Variants in INPP5A observed in about 807,000 individuals in gnomAD.
INPP5A encodes the protein 43 kDa inositol polyphosphate 5-phophatase.
A neutral mutation model predicts 65.2 loss-of-function variants in INPP5A; 14 were observed. The observed-to-expected ratio is 0.21, with a 90% CI of 0.14 to 0.34. The LOEUF (loss-of-function observed/expected upper bound fraction) is 0.34, where lower values mean the gene tolerates loss of function less well. Ranked by LOEUF, INPP5A falls within the 10% of genes least tolerant of loss-of-function variation. The pLI is 1.00. For synonymous variants in INPP5A, 207 were observed against 208.3 expected (o/e 0.99, Z 0.05); for missense variants, 431 against 545.6 (o/e 0.79, Z 2.09).
rs537737377 is a variant in INPP5A at position 132,694,921 on chromosome 10, G to A, written c.371-2895G>A. On this transcript the variant is annotated intron_variant, in intron 5 of 15. Transcript: ENST00000368594. ...TAACCTGCTGAAAAAGAAAGCATCAGACCAAATGGTTTCACTGGTGAATTC... is the reference window on the plus strand; with the variant it reads ...TAACCTGCTGAAAAAGAAAGCATCAAACCAAATGGTTTCACTGGTGAATTC... Among the ~76,000 whole-genome samples, 164 of 152,274 alleles carry A rather than the reference G, an allele frequency of 1.1e-3. 2 individuals carry two copies. Among genetic ancestry groups the A allele is most frequent in the African/African-American group, 3.8e-3 (160 of 41,562 alleles).
In INPP5A at chr10:132,697,709, C is replaced by A; in HGVS notation, c.371-107C>A. 1.3e-6 allele frequency: 1 copy of A among 776,028 alleles called. No individual in the cohort carries two copies. The allele number at this position is 776,028 out of a possible 1,614,324, so 48.1% of individuals were successfully genotyped here. A position where few individuals can be genotyped will look rare whatever the true frequency, so the allele number is the denominator to read the frequency against. On this transcript the variant is annotated intron_variant, in intron 5 of 15. Coordinates refer to ENST00000368594, the MANE Select transcript of INPP5A (RefSeq NM_005539.5). The surrounding 1 kb of genome is among the most constrained non-coding windows in gnomAD (Gnocchi z 5.6). ...ATCAGGGCCTCCTCTCGGGGGGCCT[C>A]TCTGGCTCCCATCGGGCTGAAGTCG...
At chr10:132,711,329 T>C (rs1845633812) in intron 8 of INPP5A, among the ~76,000 whole-genome samples, 1 of 152,198 alleles carries the variant, frequency 6.6e-6, no homozygotes, top group African/African-American at 2.4e-5. Context: ...CATCTACAGC[T>C]GGGCCTTTTG....
Position 132,675,644 on chromosome 10 carries a change from C to A in INPP5A, c.307-14748C>A, listed in dbSNP as rs561842673. On this transcript the variant is annotated intron_variant, in intron 4 of 15. Coordinates refer to ENST00000368594, the MANE Select transcript of INPP5A (RefSeq NM_005539.5). The surrounding 1 kb of genome is among the most constrained non-coding windows in gnomAD (Gnocchi z 4.2). ...ATATTCCCACGCGGAGAACTGGGAC[C>A]CCGATCAGGGTCTGGAGGGAGCGTG... Among the ~76,000 whole-genome samples the A allele has an allele frequency of 2.6e-5, 4 of 152,312 alleles. No individual in the cohort carries two copies. In the South Asian group the frequency reaches 8.3e-4, roughly 32 times the overall value.
rs564402116 is a variant in INPP5A at position 132,772,916 on chromosome 10, T to G, written c.978-4755T>G. ...GCCCCACGAAGAGTGGGACGGACAC[T>G]CAGCACTGACACGGAGGCCACGGCA... On this transcript the variant is annotated intron_variant, in intron 12 of 15. Transcript: ENST00000368594. 2.0e-5 allele frequency among the ~76,000 whole-genome samples: 3 copies of G among 150,964 alleles called. No individual in the cohort carries two copies. In the South Asian group the frequency reaches 6.3e-4, roughly 31 times the overall value.
At position 132,650,952 on chromosome 10, in the gene INPP5A, C is replaced by T. The variant is rs1439405793; in HGVS notation, c.306+447C>T. 6.6e-6 allele frequency among the ~76,000 whole-genome samples: 1 copy of T among 152,172 alleles called. No homozygotes were observed. The highest frequency in any genetic ancestry group is 2.4e-5 in the African/African-American group (1 of 41,442). Reference sequence around the variant, plus strand: ...GTGCAGGGCTGGGGCGGTGTCCTGCCTCGGAGAGAGGCTGTTCCTCAGGGT... The same window carrying T: ...GTGCAGGGCTGGGGCGGTGTCCTGCTTCGGAGAGAGGCTGTTCCTCAGGGT... On this transcript the variant is annotated intron_variant, in intron 4 of 15. Transcript: ENST00000368594. The surrounding 1 kb of genome is among the most constrained non-coding windows in gnomAD (Gnocchi z 5.5).
At chr10:132,721,846 G>A (rs772499082) in intron 8 of INPP5A, among the ~76,000 whole-genome samples, 1 of 152,148 alleles carries the variant, frequency 6.6e-6, no homozygotes, top group Non-Finnish European at 1.5e-5. Flanking sequence ...TGTCTTGCCT[G>A]CGTCTGTGGT....
chr10:132,760,314 G>A (rs946080879), intron 11 of INPP5A, among the ~76,000 whole-genome samples: 4 of 152,226 alleles, frequency 2.6e-5, no homozygotes, highest in Non-Finnish European at 4.4e-5. Context: ...GGGTGCTGGT[G>A]GTTGCTGGAG....
chr10:132,658,599 C>T lies in INPP5A; in HGVS notation c.306+8094C>T, dbSNP rs143480605. 5.1e-3 allele frequency among the ~76,000 whole-genome samples: 773 copies of T among 152,258 alleles called. 6 individuals carry two copies. The highest frequency in any genetic ancestry group is 0.018 in the African/African-American group (735 of 41,532). The stretch of plus-strand genomic sequence containing the variant: ...GGCCGGGCCTTGGATGCAGCCTTGA[C>T]GCGTGTCGATCTGTTTACACACAGG... On this transcript the variant is annotated intron_variant, in intron 4 of 15. Transcript: ENST00000368594.
intron 8 of INPP5A, among the ~76,000 whole-genome samples, chr10:132,712,703 G>C (rs2134538361): frequency 6.7e-6 from 1 of 149,494 alleles, no homozygotes; most frequent in South Asian, 2.2e-4. Context: ...TGCATGTGTG[G>C]GTGCATGTGA....
At chr10:132,638,200 C>A (rs757369765) in intron 2 of INPP5A, among the ~76,000 whole-genome samples, 41 of 152,168 alleles carry the variant, frequency 2.7e-4, no homozygotes, top group Non-Finnish European at 4.3e-4. Flanking sequence ...ATATTTTTCT[C>A]TTCTTCGTTG....
At chr10:132,751,300 G>T (rs941661195) in intron 11 of INPP5A, among the ~76,000 whole-genome samples, 2 of 152,216 alleles carry the variant, frequency 1.3e-5, no homozygotes, top group Non-Finnish European at 2.9e-5. Flanking sequence ...CTGGGGTCGG[G>T]TCAGGCCTTG....
intron 2 of INPP5A, among the ~76,000 whole-genome samples, chr10:132,642,136 T>TCGTCTGCGGTCTGGGGACAGCCTGGAGCC (rs1194219882): frequency 7.2e-5 from 11 of 151,962 alleles, no homozygotes; most frequent in Admixed American, 2.0e-4. Flanking sequence ...AGCCTGGAGC[T>TCGTCTGCGGTCTGGGGACAGCCTGGAGCC]CGTCTGCGGT....
In INPP5A at chr10:132,762,397, G is replaced by A. The variant is rs757320252; in HGVS notation, c.904-3376G>A. ...ATTACATAAGAATGCAAGTGGCGGC[G>A]GGTTTCCAGAACAACCACAAAAATA... On this transcript the variant is annotated intron_variant, in intron 11 of 15. Transcript: ENST00000368594. This position sits in a 1 kb window ranked among gnomAD's most constrained non-coding sequence, Gnocchi z 4.6. Among the ~76,000 whole-genome samples, 27 of 152,194 alleles carry A rather than the reference G, an allele frequency of 1.8e-4. No individual in the cohort carries two copies. The highest frequency in any genetic ancestry group is 4.1e-4 in the South Asian group (2 of 4,824).
chr10:132,604,777 A>T (rs1164795443), intron 1 of INPP5A, among the ~76,000 whole-genome samples: 2 of 152,168 alleles, frequency 1.3e-5, no homozygotes, highest in African/African-American at 4.8e-5. Flanking sequence ...ACCCAGGGAA[A>T]ATTGAACTGA....
intron 4 of INPP5A, among the ~76,000 whole-genome samples, chr10:132,677,022 G>A (rs1002611897): frequency 2.2e-3 from 191 of 85,390 alleles, no homozygotes; most frequent in African/African-American, 7.4e-3. Context: ...AGACCCACAG[G>A]TATTCACATG....
chr10:132,744,788 G>C (rs1358514560), intron 9 of INPP5A, among the ~76,000 whole-genome samples: 1 of 152,204 alleles, frequency 6.6e-6, no homozygotes, highest in East Asian at 1.9e-4. Context: ...GCTTCATGAG[G>C]CCGGGCTGTC....
chr10:132,624,766 G>A (rs1047452434), intron 2 of INPP5A, among the ~76,000 whole-genome samples: 3 of 152,074 alleles, frequency 2.0e-5, no homozygotes, highest in South Asian at 2.1e-4. Flanking sequence ...GTGGCCTGCC[G>A]GACTTAGAAT....
intron 1 of INPP5A, among the ~76,000 whole-genome samples, chr10:132,557,691 G>A (rs926848820): frequency 1.3e-5 from 2 of 152,204 alleles, no homozygotes; most frequent in South Asian, 4.1e-4. Context: ...TCATTTTGAG[G>A]GGTCAGACCA....
chr10:132,724,526 C>T (rs1259169988), intron 8 of INPP5A, among the ~76,000 whole-genome samples: 1 of 152,210 alleles, frequency 6.6e-6, no homozygotes, highest in Non-Finnish European at 1.5e-5. Flanking sequence ...AGGCCAGCCC[C>T]AGGCCAGCAG....
Sources: allele counts gnomAD v4.1 joint callset (sites outside exome capture counted in the v4.1 genomes callset), GRCh38; gene constraint gnomAD v4.1.1; non-coding constraint Gnocchi (gnomAD v3.1); transcripts MANE v1.5; gene names NCBI Gene and HGNC (gene_info 2026-07-23, HGNC 2026-07-21).